PALLD: variants seen among roughly 807,000 people sequenced by gnomAD.
PALLD encodes the protein palladin.
Under a neutral mutation model 123.5 loss-of-function variants are expected in PALLD, and 61 were observed. The observed-to-expected ratio is 0.49, with a 90% CI of 0.40 to 0.61. The LOEUF is 0.61. Among genes scored for constraint, PALLD ranks in the 20% least tolerant of loss-of-function variants. PALLD has a pLI of 0.00. For missense variants in PALLD, 1,273 were observed against 1,377.0 expected, an observed-to-expected ratio of 0.92 and a Z score of 1.20; for synonymous variants, 465 against 496.4, an observed-to-expected ratio of 0.94 and a Z score of 0.84.
intron 1 of PALLD, among the ~76,000 whole-genome samples, chr4:168,500,586 G>T (rs183490613): frequency 6.6e-6 from 1 of 152,152 alleles, no homozygotes; most frequent in Admixed American, 6.5e-5. Flanking sequence ...ATGTTGCCCA[G>T]GCTGGTATTG....
intron 6 of PALLD, among the ~76,000 whole-genome samples, chr4:168,690,210 T>C (rs1277228756): frequency 6.6e-6 from 1 of 152,222 alleles, no homozygotes; most frequent in Non-Finnish European, 1.5e-5. Flanking sequence ...TTCATAAGAA[T>C]CTACTTTTAT....
chr4:168,583,079 T>A (rs186493005), intron 2 of PALLD, among the ~76,000 whole-genome samples: 3 of 152,314 alleles, frequency 2.0e-5, no homozygotes, highest in East Asian at 1.9e-4. Context: ...AACTCTCTTC[T>A]ATATATTTCA....
intron 10 of PALLD, among the ~76,000 whole-genome samples, chr4:168,843,352 G>C (rs1305798099): frequency 1.0e-5 from 1 of 99,308 alleles, no homozygotes; most frequent in Non-Finnish European, 2.0e-5. Flanking sequence ...TTTAGCTCAA[G>C]TTAGGTAAGT....
chr4:168,774,817 G>C (rs959951093), intron 10 of PALLD, among the ~76,000 whole-genome samples: 2 of 149,414 alleles, frequency 1.3e-5, no homozygotes, highest in African/African-American at 4.9e-5. Flanking sequence ...CCTGCCACCT[G>C]CTCCCTCCTG....
intron 10 of PALLD, among the ~76,000 whole-genome samples, chr4:168,878,675 A>G (rs1464611765): frequency 1.6e-5 from 1 of 62,054 alleles, no homozygotes; most frequent in East Asian, 7.5e-4. Context: ...CCCTCTCTTA[A>G]TCATTATGGG....
At chr4:168,669,619 A>G (rs2710843) in intron 3 of PALLD, among the ~76,000 whole-genome samples, 57,943 of 151,884 alleles carry the variant, frequency 0.38, 11,389 homozygotes, top group African/African-American at 0.47. Context: ...AGAAAAATTT[A>G]AAAATAAAAA....
intron 10 of PALLD, among the ~76,000 whole-genome samples, chr4:168,723,730 AT>A (rs1227424802): frequency 3.3e-5 from 5 of 152,194 alleles, no homozygotes; most frequent in Non-Finnish European, 5.9e-5. Context: ...ACTTGCTGCT[AT>A]TTCATGAAGA....
At chr4:168,759,690 T>C (rs1732547470) in intron 10 of PALLD, among the ~76,000 whole-genome samples, 1 of 150,632 alleles carries the variant, frequency 6.6e-6, no homozygotes, top group African/African-American at 2.5e-5. Context: ...TAGGAAAAAG[T>C]GACTGAAATT....
Position 168,712,439 on chromosome 4 carries a change from C to T in PALLD, c.1964+516C>T, listed in dbSNP as rs149065062. 8.5e-5 allele frequency among the ~76,000 whole-genome samples: 13 copies of T among 152,232 alleles called. No individual in the cohort carries two copies. The East Asian group carries it at 1.4e-3, about 16-fold the overall frequency. On this transcript the variant is annotated intron_variant, in intron 10 of 21. Transcript: ENST00000505667. The stretch of plus-strand genomic sequence containing the variant: ...GAAGCAGGCTTGTGGGCAAGAAGAG[C>T]GCCCTTCACAACACAGGCTACTTGG...
intron 10 of PALLD, among the ~76,000 whole-genome samples, chr4:168,818,665 C>T (rs1742301802): frequency 6.6e-6 from 1 of 152,066 alleles, no homozygotes; most frequent in African/African-American, 2.4e-5. Flanking sequence ...GGAAGTAACT[C>T]AAAATGGGAA....
At chr4:168,564,566 G>A (rs182861075) in intron 2 of PALLD, among the ~76,000 whole-genome samples, 28 of 152,260 alleles carry the variant, frequency 1.8e-4, no homozygotes, top group Non-Finnish European at 2.9e-4. Context: ...ATATATGGTC[G>A]AGGAGGGATT....
chr4:168,674,374 A>G (rs1269929214), intron 3 of PALLD, among the ~76,000 whole-genome samples: 3 of 152,154 alleles, frequency 2.0e-5, no homozygotes, highest in East Asian at 3.9e-4. Flanking sequence ...GACTGGATAC[A>G]CCTCCAGACA....
At chr4:168,877,663 T>C in intron 10 of PALLD, 1 of 910,406 alleles carries the variant, frequency 1.1e-6, no homozygotes, top group Non-Finnish European at 1.4e-6. Flanking sequence ...AGCTCACTCC[T>C]GGAATACACG....
chr4:168,601,193 T>C (rs1417271660), intron 2 of PALLD, among the ~76,000 whole-genome samples: 4 of 152,072 alleles, frequency 2.6e-5, no homozygotes, highest in Non-Finnish European at 5.9e-5. Flanking sequence ...AATCTATCTA[T>C]AGGCACATTA....
intron 10 of PALLD, among the ~76,000 whole-genome samples, chr4:168,828,479 G>A (rs184487666): frequency 5.9e-5 from 9 of 152,290 alleles, no homozygotes; most frequent in South Asian, 2.1e-4. Context: ...TGCAATACCC[G>A]TCAGTAGTTA....
At chr4:168,672,398 C>T (rs922398509) in intron 3 of PALLD, among the ~76,000 whole-genome samples, 1 of 152,002 alleles carries the variant, frequency 6.6e-6, no homozygotes, top group Non-Finnish European at 1.5e-5. Flanking sequence ...TTCCCATTCC[C>T]CCCTTCTCCT....
chr4:168,537,496 C>T (rs779070864), intron 2 of PALLD: 1 of 152,130 alleles, frequency 6.6e-6, no homozygotes, highest in Non-Finnish European at 1.5e-5. Context: ...TTACAAAGTG[C>T]CATGTATCAC....
intron 2 of PALLD, among the ~76,000 whole-genome samples, chr4:168,652,266 G>C (rs1393271965): frequency 6.6e-6 from 1 of 152,090 alleles, no homozygotes; most frequent in African/African-American, 2.4e-5. Flanking sequence ...AAATCAGAAA[G>C]GATATAAAAA....
At chr4:168,517,766 G>A (rs1345632597) in intron 2 of PALLD, among the ~76,000 whole-genome samples, 1 of 152,158 alleles carries the variant, frequency 6.6e-6, no homozygotes, top group Non-Finnish European at 1.5e-5. Flanking sequence ...AGATGGCTTA[G>A]CCCAGGAGTA....
Sources: gnomAD v4.1 joint callset for allele counts (sites outside exome capture counted in the v4.1 genomes callset) on GRCh38, gnomAD v4.1.1 for gene constraint, MANE v1.5 for transcripts, NCBI Gene and HGNC (gene_info 2026-07-23, HGNC 2026-07-21) for gene names.